The following OVCH1 variants were observed in gnomAD, a reference collection of about 807,000 sequenced individuals.
OVCH1 encodes ovochymase 1, also known as ovochymase-1.
Under a neutral mutation model 138.4 loss-of-function variants are expected in OVCH1, and 139 were observed. That is an observed-to-expected ratio of 1.00 (90% CI 0.87 to 1.16). The LOEUF is 1.16. OVCH1 is among the 50% of genes most tolerant of loss of function. The pLI is 0.00. For missense variants in OVCH1, 1,367 were observed against 1,357.9 expected (o/e 1.01, Z -0.11); for synonymous variants, 453 against 467.8 (o/e 0.97, Z 0.41).
intron 6 of OVCH1, among the ~76,000 whole-genome samples, chr12:29,488,800 C>T (rs1943192294): frequency 6.6e-6 from 1 of 152,008 alleles, no homozygotes; most frequent in African/African-American, 2.4e-5. Flanking sequence ...GTGTAGAGGG[C>T]TTCATCCAAA....
chr12:29,496,302 T>A (rs754852077), intron 2 of OVCH1, 24 bp from the exon 3 acceptor site: 15 of 1,541,418 alleles, frequency 9.7e-6, no homozygotes, highest in African/African-American at 1.4e-5. Flanking sequence ...AAGTTACAAA[T>A]GCAGCTAATA....
intron 19 of OVCH1, among the ~76,000 whole-genome samples, chr12:29,457,745 G>A (rs1942002488): frequency 1.3e-5 from 2 of 152,094 alleles, no homozygotes; most frequent in African/African-American, 4.8e-5. Context: ...AATGCCTACT[G>A]TGAGCCAGAC....
chr12:29,467,571 G>T (rs143513826), intron 16 of OVCH1, among the ~76,000 whole-genome samples: 74 of 152,204 alleles, frequency 4.9e-4, no homozygotes, highest in Non-Finnish European at 8.8e-4. Context: ...TTATTGCTAT[G>T]GAAGAAGAGA....
Position 29,471,643 on chromosome 12 carries a change from T to C in OVCH1, c.1856+159A>G, listed in dbSNP as rs140590419. Reference sequence around the variant, plus strand: ...TTGATTAACTTTTCCTTCACTGACATTGTTTAAATAGTAGCTAGATGGCTA... The same window carrying C: ...TTGATTAACTTTTCCTTCACTGACACTGTTTAAATAGTAGCTAGATGGCTA... On this transcript the variant is annotated intron_variant, in intron 16 of 27. Transcript: ENST00000318184. 6.7e-3 allele frequency among the ~76,000 whole-genome samples: 1,018 copies of C among 152,310 alleles called. 8 individuals are homozygous for C. Among genetic ancestry groups the C allele is most frequent in the African/African-American group, 0.023 (974 of 41,562 alleles).
At chr12:29,424,980 G>A (rs566539766), downstream of OVCH1, among the ~76,000 whole-genome samples, 196 of 152,216 alleles carry the variant, frequency 1.3e-3, no homozygotes, top group Middle Eastern at 0.01. Context: ...TCCTTAACAC[G>A]CCACATTAAA....
intron 15 of OVCH1, among the ~76,000 whole-genome samples, chr12:29,472,796 A>G (rs1431254769): frequency 6.6e-6 from 1 of 152,200 alleles, no homozygotes; most frequent in Non-Finnish European, 1.5e-5. Flanking sequence ...TGAGGACAAA[A>G]CATTGCTTTA....
At chr12:29,432,651 T>G (rs1008724362) in intron 27 of OVCH1, among the ~76,000 whole-genome samples, 2 of 152,156 alleles carry the variant, frequency 1.3e-5, no homozygotes, top group Admixed American at 1.3e-4. Flanking sequence ...AATTTGGAAG[T>G]TATCACTGTA....
At chr12:29,411,234 C>A (rs1436110556), downstream of OVCH1, among the ~76,000 whole-genome samples, 2 of 132,508 alleles carry the variant, frequency 1.5e-5, no homozygotes, top group Non-Finnish European at 3.4e-5. Flanking sequence ...TTTTTAACTT[C>A]TTTGCCTTTG....
chr12:29,440,547 GA>G, intron 25 of OVCH1: 1 of 323,220 alleles, frequency 3.1e-6, no homozygotes, highest in South Asian at 2.6e-5. Context: ...TCTTAGTATT[GA>G]TTAACATGCC....
intron 14 of OVCH1, among the ~76,000 whole-genome samples, chr12:29,474,074 T>TATACACACAC (rs1555150616): frequency 6.9e-6 from 1 of 145,192 alleles, no homozygotes; most frequent in Non-Finnish European, 1.5e-5. Flanking sequence ...CACACACACA[T>TATACACACAC]ACACACACAC....
At chr12:29,471,880 C>A (rs1176279553) in exon 16 of OVCH1, 4 of 1,613,192 alleles carry the variant, frequency 2.5e-6, no homozygotes, top group Non-Finnish European at 3.4e-6. Flanking sequence ...GCCTAGAAAC[C>A]TCAGACCCAC....
intron 22 of OVCH1, among the ~76,000 whole-genome samples, chr12:29,450,435 T>TTTGC (rs1592053492): frequency 1.3e-5 from 2 of 152,300 alleles, no homozygotes; most frequent in East Asian, 3.9e-4. Flanking sequence ...TCGCTAGTCA[T>TTTGC]TAGAGAAATG....
intron 3 of OVCH1, among the ~76,000 whole-genome samples, chr12:29,418,680 A>G (rs926897369): frequency 6.6e-6 from 1 of 152,176 alleles, no homozygotes; most frequent in African/African-American, 2.4e-5. Flanking sequence ...CAAGGTGAGT[A>G]TAGAGAGGTT....
chr12:29,478,931 T>C (rs1360384592), intron 8 of OVCH1: 2 of 1,515,732 alleles, frequency 1.3e-6, no homozygotes, highest in Non-Finnish European at 1.8e-6. Flanking sequence ...ATCAGGATTA[T>C]TTTATCTTCT....
intron 3 of OVCH1, among the ~76,000 whole-genome samples, chr12:29,495,841 C>T (rs971283710): frequency 6.6e-5 from 10 of 152,164 alleles, no homozygotes; most frequent in African/African-American, 2.2e-4. Flanking sequence ...GCAGTTTTTT[C>T]CCTCCTAATG....
chr12:29,481,888 A>G (rs1942946185), intron 8 of OVCH1, among the ~76,000 whole-genome samples: 1 of 152,190 alleles, frequency 6.6e-6, no homozygotes, highest in Non-Finnish European at 1.5e-5. Context: ...CCAAACTGTC[A>G]ACTCATCAGC....
At chr12:29,486,449 T>C in intron 7 of OVCH1, 101 bp from the exon 8 acceptor site, 1 of 932,614 alleles carries the variant, frequency 1.1e-6, no homozygotes, top group Middle Eastern at 3.2e-4. Context: ...AATTATAACT[T>C]CTACTAAAAT....
At chr12:29,485,907 C>A (rs75754448) in intron 8 of OVCH1, among the ~76,000 whole-genome samples, 1 of 150,316 alleles carries the variant, frequency 6.7e-6, no homozygotes, top group African/African-American at 2.4e-5. Flanking sequence ...TGCTTGCCAC[C>A]GCACTCCAGC....
At chr12:29,450,011 T>C (rs1941736754) in intron 22 of OVCH1, among the ~76,000 whole-genome samples, 1 of 152,070 alleles carries the variant, frequency 6.6e-6, no homozygotes, top group African/African-American at 2.4e-5. Context: ...TATACAAAAA[T>C]TAACGCAAGA....
Sources: allele counts gnomAD v4.1 joint callset (sites outside exome capture counted in the v4.1 genomes callset), GRCh38; gene constraint gnomAD v4.1.1; transcripts MANE v1.5; gene names NCBI Gene and HGNC (gene_info 2026-07-23, HGNC 2026-07-21).